ADAMTSL1: variants seen among roughly 807,000 people sequenced by gnomAD.
ADAMTSL1 encodes ADAMTS like 1.
In ADAMTSL1, 126 loss-of-function variants were observed where a neutral mutation model predicts 201.8. The observed-to-expected ratio is 0.62, with a 90% CI of 0.54 to 0.72. The LOEUF is 0.72. Among genes scored for constraint, ADAMTSL1 ranks in the 30% least tolerant of loss-of-function variants. The probability of loss-of-function intolerance (pLI) is 0.00; values close to 1 mark genes in which losing one functional copy is unlikely to be tolerated. For synonymous variants in ADAMTSL1, 1,121 were observed against 903.4 expected, an observed-to-expected ratio of 1.24 and a Z score of -4.32; for missense variants, 2,679 against 2,277.8, an observed-to-expected ratio of 1.18 and a Z score of -3.59.
At chr9:18,117,415 A>C (rs1825300871) in intron 1 of ADAMTSL1, among the ~76,000 whole-genome samples, 1 of 152,078 alleles carries the variant, frequency 6.6e-6, no homozygotes, top group South Asian at 2.1e-4. Context: ...TCCACCAGGC[A>C]CACTCCTGCC....
At chr9:18,552,671 C>G (rs907422035) in intron 3 of ADAMTSL1, among the ~76,000 whole-genome samples, 5 of 151,578 alleles carry the variant, frequency 3.3e-5, no homozygotes, top group African/African-American at 1.2e-4. Flanking sequence ...CCAATTTCAC[C>G]TTGTAGTCCG....
chr9:18,215,007 T>C (rs1830011542), intron 2 of ADAMTSL1, among the ~76,000 whole-genome samples: 1 of 152,156 alleles, frequency 6.6e-6, no homozygotes, highest in Non-Finnish European at 1.5e-5. Flanking sequence ...TAACTCAGCA[T>C]TGAAAAAATT....
intron 23 of ADAMTSL1, among the ~76,000 whole-genome samples, chr9:18,871,784 T>G (rs112580358): frequency 2.6e-4 from 39 of 152,298 alleles, no homozygotes; most frequent in African/African-American, 8.9e-4. Flanking sequence ...CTTTTGCAAA[T>G]ATGTCTCTCT....
intron 2 of ADAMTSL1, among the ~76,000 whole-genome samples, chr9:18,193,268 T>G (rs894217278): frequency 1.3e-5 from 2 of 151,766 alleles, no homozygotes; most frequent in African/African-American, 4.8e-5. Context: ...ACCCTGGGAG[T>G]GGTGAGATCA....
intron 1 of ADAMTSL1, among the ~76,000 whole-genome samples, chr9:18,142,823 C>T (rs567083902): frequency 1.2e-4 from 19 of 152,236 alleles, no homozygotes; most frequent in African/African-American, 3.9e-4. Context: ...TAAAATCTTC[C>T]GAACTTTAGA....
At chr9:18,539,576 A>C (rs951970728) in intron 3 of ADAMTSL1, among the ~76,000 whole-genome samples, 2 of 152,178 alleles carry the variant, frequency 1.3e-5, no homozygotes, top group African/African-American at 4.8e-5. Context: ...TCTTTGAACT[A>C]TTTGATCATG....
chr9:18,237,337 G>A (rs1284866303), intron 2 of ADAMTSL1, among the ~76,000 whole-genome samples: 1 of 152,132 alleles, frequency 6.6e-6, no homozygotes, highest in Admixed American at 6.5e-5. Context: ...ATACACAGGG[G>A]CACTGTGTAC....
At chr9:18,723,572 G>C (rs886566756) in intron 15 of ADAMTSL1, 1 of 156,410 alleles carries the variant, frequency 6.4e-6, no homozygotes, top group African/African-American at 2.4e-5. Context: ...CAGTTGTTGA[G>C]CTTAATGTTG....
intron 13 of ADAMTSL1, among the ~76,000 whole-genome samples, chr9:18,695,689 A>T (rs921970780): frequency 6.6e-6 from 1 of 152,226 alleles, no homozygotes; most frequent in African/African-American, 2.4e-5. Flanking sequence ...AGTCTTTAGG[A>T]AATTCCAAAG....
intron 2 of ADAMTSL1, among the ~76,000 whole-genome samples, chr9:18,344,309 A>C (rs1234761158): frequency 6.6e-6 from 1 of 151,764 alleles, no homozygotes; most frequent in Non-Finnish European, 1.5e-5. Flanking sequence ...TAACATTTTA[A>C]TTTTTTTTAA....
rs551121751 is a variant in ADAMTSL1 at position 18,108,174 on chromosome 9, C to T, written c.88-55688C>T. 4.0e-5 allele frequency among the ~76,000 whole-genome samples: 6 copies of T among 149,794 alleles called. No homozygotes were observed. The South Asian group carries it at 1.3e-3, about 32-fold the overall frequency. The stretch of plus-strand genomic sequence containing the variant: ...AGTGAGCAAAAAGTATTCACGTTAA[C>T]TCTTAAAAGCAAGAGTGTGGAATTT... On this transcript the variant is annotated intron_variant, in intron 1 of 29. Coordinates refer to the ADAMTSL1 transcript ENST00000680146.
intron 19 of ADAMTSL1, among the ~76,000 whole-genome samples, chr9:18,792,734 T>G (rs942839576): frequency 1.3e-5 from 2 of 152,220 alleles, no homozygotes; most frequent in Non-Finnish European, 2.9e-5. Context: ...TAAAACAGCT[T>G]GAACACCTGA....
At chr9:18,330,055 T>C (rs905740376) in intron 2 of ADAMTSL1, among the ~76,000 whole-genome samples, 7 of 152,326 alleles carry the variant, frequency 4.6e-5, no homozygotes, top group African/African-American at 9.6e-5. Flanking sequence ...TTTCACATGA[T>C]GAAATGAGAC....
chr9:18,406,185 A>G (rs551379985), intron 2 of ADAMTSL1, among the ~76,000 whole-genome samples: 7 of 152,336 alleles, frequency 4.6e-5, no homozygotes, highest in African/African-American at 1.7e-4. Flanking sequence ...TGAATGCATG[A>G]GGGAGGAGAG....
chr9:18,290,777 G>T (rs7862842), intron 2 of ADAMTSL1, among the ~76,000 whole-genome samples: 89,594 of 134,608 alleles, frequency 0.67, 28,448 homozygotes, highest in South Asian at 0.79. Context: ...GGCTTTTTTT[G>T]TGTGTTTTTT....
At position 18,235,273 on chromosome 9, in the gene ADAMTSL1, A is replaced by AT. The variant is rs577644878; in HGVS notation, c.207+71293dup. Among the ~76,000 whole-genome samples the AT allele has an allele frequency of 8.5e-5, 13 of 152,304 alleles. No individual in the cohort carries two copies. The South Asian group carries it at 2.7e-3, about 32-fold the overall frequency. Reference sequence around the variant, plus strand: ...AATGTCTGAAATTGGGATTTGTCTGATGTTTTCATCATGACTAGGTTGGTG... The same window carrying AT: ...AATGTCTGAAATTGGGATTTGTCTGATTGTTTTCATCATGACTAGGTTGGTG... On this transcript the variant is annotated intron_variant, in intron 2 of 29. Coordinates refer to the ADAMTSL1 transcript ENST00000680146.
intron 1 of ADAMTSL1, among the ~76,000 whole-genome samples, chr9:17,988,421 G>A (rs1819010400): frequency 6.6e-6 from 1 of 151,960 alleles, no homozygotes; most frequent in South Asian, 2.1e-4. Flanking sequence ...AGAGCAGATG[G>A]CCCCTCAGTG....
intron 1 of ADAMTSL1, among the ~76,000 whole-genome samples, chr9:17,942,058 T>A (rs141189695): frequency 6.6e-6 from 1 of 152,150 alleles, no homozygotes; most frequent in Non-Finnish European, 1.5e-5. Flanking sequence ...GCTGCTGCCA[T>A]ACAAATATTA....
chr9:18,099,603 A>G (rs918953277), intron 1 of ADAMTSL1, among the ~76,000 whole-genome samples: 1 of 140,660 alleles, frequency 7.1e-6, no homozygotes, highest in Non-Finnish European at 1.6e-5. Context: ...TCTTGAATCA[A>G]TTTTATTTCT....
Sources: gnomAD v4.1 joint callset for allele counts (sites outside exome capture counted in the v4.1 genomes callset) on GRCh38, gnomAD v4.1.1 for gene constraint, MANE v1.5 for transcripts, NCBI Gene and HGNC (gene_info 2026-07-23, HGNC 2026-07-21) for gene names.